KIF16B: variants seen among roughly 807,000 people sequenced by gnomAD.
The protein encoded by KIF16B is kinesin-like protein KIF16B.
KIF16B carries 98 observed loss-of-function variants against 156.3 expected under a neutral mutation model. That is an observed-to-expected ratio of 0.63 (90% confidence interval 0.53 to 0.74). The LOEUF (loss-of-function observed/expected upper bound fraction) is 0.74, where lower values mean the gene tolerates loss of function less well. Among genes scored for constraint, KIF16B ranks in the 30% least tolerant of loss-of-function variants. KIF16B has a pLI of 0.00. For missense variants in KIF16B, 1,421 were observed against 1,606.5 expected (o/e 0.88, Z 1.97); for synonymous variants, 564 against 583.7 (o/e 0.97, Z 0.49).
At chr20:16,297,126 T>G (rs1178904092) in intron 25 of KIF16B, among the ~76,000 whole-genome samples, 1 of 152,204 alleles carries the variant, frequency 6.6e-6, no homozygotes, top group African/African-American at 2.4e-5. Flanking sequence ...CCACTCAGAT[T>G]GAAACTACAC....
At chr20:16,377,412 A>T (rs1041742692) in intron 19 of KIF16B, among the ~76,000 whole-genome samples, 2 of 151,242 alleles carry the variant, frequency 1.3e-5, no homozygotes, top group African/African-American at 4.9e-5. Flanking sequence ...TAAAATACAT[A>T]AAATAAATAA....
chr20:16,434,910 T>A (rs967212418), intron 12 of KIF16B, among the ~76,000 whole-genome samples: 1 of 152,102 alleles, frequency 6.6e-6, no homozygotes, highest in Non-Finnish European at 1.5e-5. Flanking sequence ...GGCTGGGGGT[T>A]GGGGACAATC....
At chr20:16,294,686 G>C (rs940698258) in intron 25 of KIF16B, among the ~76,000 whole-genome samples, 3 of 151,724 alleles carry the variant, frequency 2.0e-5, no homozygotes, top group African/African-American at 4.9e-5. Context: ...CAGACCTGGT[G>C]GGGTGCAGAC....
chr20:16,429,508 T>A (rs2066443994), intron 13 of KIF16B, among the ~76,000 whole-genome samples: 1 of 152,116 alleles, frequency 6.6e-6, no homozygotes, highest in Admixed American at 6.6e-5. Flanking sequence ...AAGCACAATT[T>A]TATAATTGCC....
chr20:16,366,886 G>A, intron 22 of KIF16B: 1 of 1,188,578 alleles, frequency 8.4e-7, no homozygotes, highest in Non-Finnish European at 1.0e-6. Context: ...AATGAAGCAG[G>A]CACAAATTTA....
At chr20:16,365,711 G>A (rs899188778) in intron 22 of KIF16B, among the ~76,000 whole-genome samples, 1 of 152,238 alleles carries the variant, frequency 6.6e-6, no homozygotes, top group African/African-American at 2.4e-5. Flanking sequence ...TTCTGTGTGT[G>A]TTAAGCTTTG....
intron 12 of KIF16B, among the ~76,000 whole-genome samples, chr20:16,488,269 G>T (rs6044017): frequency 6.6e-6 from 1 of 152,252 alleles, no homozygotes; most frequent in Non-Finnish European, 1.5e-5. Flanking sequence ...GACACTCACA[G>T]AGGCAGCTCT....
intron 1 of KIF16B, among the ~76,000 whole-genome samples, chr20:16,547,363 T>C (rs994115093): frequency 3.3e-5 from 5 of 152,134 alleles, no homozygotes; most frequent in African/African-American, 1.2e-4. Context: ...TCACCCCACA[T>C]GGGTGACAGC....
In KIF16B at chr20:16,558,312, A is replaced by G. The variant is rs79398686; in HGVS notation, c.47+14917T>C. 4.6e-3 allele frequency among the ~76,000 whole-genome samples: 694 copies of G among 152,342 alleles called. 5 individuals are homozygous for G. Among genetic ancestry groups the G allele is most frequent in the African/African-American group, 0.015 (644 of 41,580 alleles). On this transcript the variant is annotated intron_variant, in intron 1 of 25. Coordinates refer to ENST00000354981, the MANE Select transcript of KIF16B (RefSeq NM_024704.5). ...TACTGGAACGTGGCTCCTAGCCAGT[A>G]ACAACAGGTTCCCAGCCTTCCCTGC...
intron 12 of KIF16B, among the ~76,000 whole-genome samples, chr20:16,477,297 G>A (rs1381177991): frequency 6.7e-6 from 1 of 149,616 alleles, no homozygotes; most frequent in East Asian, 2.0e-4. Context: ...GTTCTATGAA[G>A]ATGATGATCT....
intron 1 of KIF16B, among the ~76,000 whole-genome samples, chr20:16,554,319 C>G (rs554899042): frequency 2.0e-5 from 3 of 152,288 alleles, no homozygotes; most frequent in African/African-American, 7.2e-5. Context: ...AATGACCTGC[C>G]AGCTGCCGAG....
chr20:16,396,225 C>T (rs960061912), intron 17 of KIF16B, among the ~76,000 whole-genome samples: 35 of 152,000 alleles, frequency 2.3e-4, no homozygotes, highest in Admixed American at 9.2e-4. Flanking sequence ...CTAGGTTGCG[C>T]GCTCCTTATG....
At chr20:16,385,597 C>T (rs886844612) in intron 17 of KIF16B, among the ~76,000 whole-genome samples, 1 of 152,184 alleles carries the variant, frequency 6.6e-6, no homozygotes, top group Non-Finnish European at 1.5e-5. Flanking sequence ...TCAAGTGAGA[C>T]ACGACAAGTA....
At chr20:16,460,387 T>A (rs1280245738) in intron 12 of KIF16B, among the ~76,000 whole-genome samples, 1 of 151,980 alleles carries the variant, frequency 6.6e-6, no homozygotes, top group Non-Finnish European at 1.5e-5. Context: ...TTGAGATCAG[T>A]CTGGTGAAAC....
intron 25 of KIF16B, among the ~76,000 whole-genome samples, chr20:16,291,647 T>C (rs958482159): frequency 2.0e-5 from 3 of 152,334 alleles, no homozygotes; most frequent in Non-Finnish European, 4.4e-5. Flanking sequence ...GTCTAAAAAA[T>C]ACTGGGCTAA....
chr20:16,275,055 CTTT>C (rs4052896), intron 25 of KIF16B, among the ~76,000 whole-genome samples: 5 of 140,400 alleles, frequency 3.6e-5, no homozygotes, highest in Admixed American at 7.1e-5. Context: ...ATAAATTGTA[CTTT>C]TTTTTTTTTT....
At chr20:16,342,656 G>A (rs1473990666) in intron 23 of KIF16B, among the ~76,000 whole-genome samples, 1 of 152,222 alleles carries the variant, frequency 6.6e-6, no homozygotes, top group Non-Finnish European at 1.5e-5. Flanking sequence ...AGGCATGAGA[G>A]ATTTAAAAAT....
intron 12 of KIF16B, among the ~76,000 whole-genome samples, chr20:16,491,329 T>C (rs2068284431): frequency 6.6e-6 from 1 of 152,090 alleles, no homozygotes; most frequent in Non-Finnish European, 1.5e-5. Flanking sequence ...AGGAGATTAG[T>C]GCCTGTAGGG....
chr20:16,559,510 G>A (rs532646714), intron 1 of KIF16B, among the ~76,000 whole-genome samples: 4 of 152,074 alleles, frequency 2.6e-5, no homozygotes, highest in Non-Finnish European at 5.9e-5. Flanking sequence ...GTTTATGCCT[G>A]TAATCCCCAC....
Sources: allele counts gnomAD v4.1 joint callset (sites outside exome capture counted in the v4.1 genomes callset), GRCh38; gene constraint gnomAD v4.1.1; transcripts MANE v1.5; gene names NCBI Gene and HGNC (gene_info 2026-07-23, HGNC 2026-07-21).